The following CLPB variants were observed in gnomAD, a reference collection of about 807,000 sequenced individuals.
CLPB encodes the protein ClpB family mitochondrial disaggregase, also known as mitochondrial disaggregase.
Under a neutral mutation model 78.4 loss-of-function variants are expected in CLPB, and 40 were observed. The ratio of observed to expected loss-of-function variants is 0.51; its 90% confidence interval spans 0.40 to 0.66. CLPB has a LOEUF of 0.66. CLPB is among the 30% of genes least tolerant of loss of function. The probability of loss-of-function intolerance (pLI) is 0.00; values close to 1 mark genes in which losing one functional copy is unlikely to be tolerated. For synonymous variants in CLPB, 333 were observed against 348.0 expected (o/e 0.96, Z 0.48); for missense variants, 780 against 886.9 (o/e 0.88, Z 1.53).
chr11:72,323,846 G>C (rs1590795383), intron 6 of CLPB, among the ~76,000 whole-genome samples: 1 of 151,960 alleles, frequency 6.6e-6, no homozygotes. Context: ...ATTATACTGA[G>C]GTTCTGTAAG....
chr11:72,323,500 G>A (rs567734416), intron 6 of CLPB, among the ~76,000 whole-genome samples: 71 of 150,608 alleles, frequency 4.7e-4, no homozygotes, highest in Non-Finnish European at 8.8e-4. Flanking sequence ...CCAGGAGGCG[G>A]AGGTTGCAGT....
intron 3 of CLPB, among the ~76,000 whole-genome samples, chr11:72,387,974 GTGC>G (rs1446649257): frequency 6.6e-6 from 1 of 152,130 alleles, no homozygotes; most frequent in African/African-American, 2.4e-5. Context: ...GTCACTAACT[GTGC>G]TACCTGGGCC....
At chr11:72,393,667 C>G (rs375209674) in intron 3 of CLPB, among the ~76,000 whole-genome samples, 2 of 152,292 alleles carry the variant, frequency 1.3e-5, no homozygotes, top group South Asian at 4.1e-4. Flanking sequence ...CTATACAGGG[C>G]AGTAAATATT....
chr11:72,399,106 C>G (rs1263513718), intron 3 of CLPB, among the ~76,000 whole-genome samples: 1 of 150,804 alleles, frequency 6.6e-6, no homozygotes, highest in Non-Finnish European at 1.5e-5. Context: ...AGATATAACT[C>G]TCTGTATCCC....
At chr11:72,354,623 T>G (rs768289472) in intron 5 of CLPB, 8 of 326,884 alleles carry the variant, frequency 2.4e-5, no homozygotes, top group African/African-American at 4.3e-5. Context: ...CCACCACACC[T>G]GCATTCAAGT....
chr11:72,314,959 C>T (rs1949915366), intron 7 of CLPB, among the ~76,000 whole-genome samples: 1 of 152,040 alleles, frequency 6.6e-6, no homozygotes, highest in Non-Finnish European at 1.5e-5. Flanking sequence ...CTGTTAGATA[C>T]GTGTTTTGCA....
chr11:72,346,089 C>A (rs1950508105), intron 5 of CLPB, among the ~76,000 whole-genome samples: 1 of 152,106 alleles, frequency 6.6e-6, no homozygotes, highest in African/African-American at 2.4e-5. Context: ...GAATGTGGGG[C>A]AGATGAGGGG....
chr11:72,376,586 A>T (rs1854707874), intron 4 of CLPB, among the ~76,000 whole-genome samples: 1 of 151,072 alleles, frequency 6.6e-6, no homozygotes, highest in South Asian at 2.1e-4. Context: ...AAAGGTAGAG[A>T]GATCTTGCAA....
intron 4 of CLPB, among the ~76,000 whole-genome samples, chr11:72,377,071 G>A (rs1797539961): frequency 6.6e-6 from 1 of 152,022 alleles, no homozygotes; most frequent in Admixed American, 6.5e-5. Flanking sequence ...TTCCTTTTTT[G>A]GAAAGCGTTA....
rs2135481480 is a variant in CLPB at position 72,292,195 on chromosome 11, A to C, written c.*1172T>G. 1 of 152,296 alleles carries C rather than the reference A, an allele frequency of 6.6e-6. No homozygotes were observed. The highest frequency in any genetic ancestry group is 2.1e-4 in the South Asian group (1 of 4,826). 9.4% of individuals were successfully genotyped at this position (152,296 alleles called of 1,614,324 possible). A position where few individuals can be genotyped will look rare whatever the true frequency, so the allele number is the denominator to read the frequency against. Reference sequence around the variant, plus strand: ...CTGTTAGGACATGCTTCCATTACCCAAGGGACTTTGATTCCTGGCCCCATT... The same window carrying C: ...CTGTTAGGACATGCTTCCATTACCCCAGGGACTTTGATTCCTGGCCCCATT... On this transcript the variant is annotated 3_prime_UTR_variant, in exon 16 of 16. Transcript: ENST00000538039.
chr11:72,300,903 C>T (rs141516922), intron 11 of CLPB, among the ~76,000 whole-genome samples: 6 of 152,154 alleles, frequency 3.9e-5, no homozygotes, highest in African/African-American at 1.4e-4. Flanking sequence ...CTTCCGTGAT[C>T]GTAAGCAATC....
At position 72,434,286 on chromosome 11, in the gene CLPB, G is replaced by A. The variant is rs141970893; in HGVS notation, c.189C>T (p.Phe63=). ...GGRPGTSPAL[F]SGRGAATGGR... is the part of the protein sequence containing the mutation. ...CCCCGGTGGCTGCCCCACGTCCGGAGAACAAGGCCGGCGATGTTCCAGGGC... is the reference window on the plus strand; with the variant it reads ...CCCCGGTGGCTGCCCCACGTCCGGAAAACAAGGCCGGCGATGTTCCAGGGC... Residue 63 remains phenylalanine (F), a synonymous_variant, in exon 1 of 16, where the codon TTC becomes TTT. Transcript: ENST00000538039. The A allele has an allele frequency of 6.2e-7, 1 of 1,612,272 alleles. No individual in the cohort carries two copies. The highest frequency in any genetic ancestry group is 8.5e-7 in the Non-Finnish European group (1 of 1,179,540).
rs576990524 is a variant in CLPB, at chr11:72,408,666, C to CAAAAAA, written c.456-5620_456-5615dup. ...CGGGTGACAGGGCAAGACTCTGTCT[C>CAAAAAA]AAAAAAAAAAAAAAAAAAAAAGAAA... is the stretch of plus-strand genomic sequence containing the variant. On this transcript the variant is annotated intron_variant, in intron 2 of 15. Coordinates refer to ENST00000538039, the MANE Select transcript of CLPB (RefSeq NM_001258392.3). 4.1e-4 allele frequency among the ~76,000 whole-genome samples: 26 copies of CAAAAAA among 64,100 alleles called. 1 individual carries two copies. The highest frequency in any genetic ancestry group is 4.2e-4 in the African/African-American group (9 of 21,578). The allele number at this position is 64,100 out of a possible 152,430, so 42.1% of individuals were successfully genotyped here.
intron 4 of CLPB, among the ~76,000 whole-genome samples, chr11:72,360,740 C>A (rs1402268142): frequency 6.6e-6 from 1 of 152,134 alleles, no homozygotes; most frequent in African/African-American, 2.4e-5. Context: ...CCCAGCCATA[C>A]TAATAGATTT....
At chr11:72,304,706 T>C (rs1027007511) in intron 9 of CLPB, among the ~76,000 whole-genome samples, 1 of 152,218 alleles carries the variant, frequency 6.6e-6, no homozygotes, top group African/African-American at 2.4e-5. Context: ...TCAGTGTCTC[T>C]TTACAAATGA....
chr11:72,391,102 AT>A (rs1855242729), intron 3 of CLPB, among the ~76,000 whole-genome samples: 1 of 152,204 alleles, frequency 6.6e-6, no homozygotes, highest in South Asian at 2.1e-4. Flanking sequence ...CCAAAAGTTA[AT>A]CCCTTTCAGG....
intron 9 of CLPB, among the ~76,000 whole-genome samples, chr11:72,303,535 C>T (rs1007194105): frequency 6.6e-6 from 1 of 152,162 alleles, no homozygotes; most frequent in African/African-American, 2.4e-5. Context: ...TTTTGAGCTG[C>T]AGTTTTGTCC....
chr11:72,421,816 C>T (rs1437202407), intron 2 of CLPB, among the ~76,000 whole-genome samples: 1 of 152,226 alleles, frequency 6.6e-6, no homozygotes, highest in Non-Finnish European at 1.5e-5. Context: ...CACCAGGGAA[C>T]AAGCAATCAG....
Position 72,434,478 on chromosome 11 carries a change from G to A in CLPB, c.-4C>T. 6.5e-7 allele frequency: 1 copy of A among 1,531,502 alleles called. No individual in the cohort carries two copies. Among genetic ancestry groups the A allele is most frequent in the South Asian group, 1.3e-5 (1 of 79,070 alleles). The allele number at this position is 1,531,502 out of a possible 1,614,324, so 94.9% of individuals were successfully genotyped here. A position where few individuals can be genotyped will look rare whatever the true frequency, so the allele number is the denominator to read the frequency against. On this transcript the variant is annotated 5_prime_UTR_variant, in exon 1 of 16. Coordinates refer to ENST00000538039, the MANE Select transcript of CLPB (RefSeq NM_001258392.3). Reference sequence around the variant, plus strand: ...TCAACACCAGGGACCCCAGCATCTTGACAGCTGCTTCGATAACCCCGTGGT... The same window carrying A: ...TCAACACCAGGGACCCCAGCATCTTAACAGCTGCTTCGATAACCCCGTGGT...
Sources: gnomAD v4.1 joint callset for allele counts (sites outside exome capture counted in the v4.1 genomes callset) on GRCh38, gnomAD v4.1.1 for gene constraint, MANE v1.5 for transcripts, NCBI Gene and HGNC (gene_info 2026-07-23, HGNC 2026-07-21) for gene names.